Variants in BNC2 observed in about 807,000 individuals in gnomAD.
BNC2 encodes the protein basonuclin zinc finger protein 2.
A neutral mutation model predicts 76.3 loss-of-function variants in BNC2; 20 were observed. That is an observed-to-expected ratio of 0.26 (90% confidence interval 0.18 to 0.38). The LOEUF (loss-of-function observed/expected upper bound fraction) is 0.38, where lower values mean the gene tolerates loss of function less well. BNC2 is among the 10% of genes least tolerant of loss of function. BNC2 has a pLI of 1.00. For missense variants in BNC2, 1,382 were observed against 1,399.8 expected (o/e 0.99, Z 0.20); for synonymous variants, 582 against 514.8 (o/e 1.13, Z -1.77).
intron 5 of BNC2, among the ~76,000 whole-genome samples, chr9:16,438,048 T>C (rs1179818523): frequency 6.6e-6 from 1 of 152,200 alleles, no homozygotes; most frequent in Non-Finnish European, 1.5e-5. Context: ...TTATGTGAAT[T>C]TCTGAATCAA....
intron 5 of BNC2, among the ~76,000 whole-genome samples, chr9:16,513,302 T>C (rs1354367589): frequency 2.1e-5 from 2 of 93,292 alleles, no homozygotes; most frequent in African/African-American, 1.6e-4. Flanking sequence ...AAAGGTTCTT[T>C]TTTTTTTTTT....
chr9:16,805,532 T>A (rs1355392571), intron 1 of BNC2, among the ~76,000 whole-genome samples: 1 of 152,108 alleles, frequency 6.6e-6, no homozygotes, highest in Non-Finnish European at 1.5e-5. Flanking sequence ...TTCATCATAT[T>A]GGTCAGGCTG....
chr9:16,858,086 G>T (rs10756819), intron 1 of BNC2, among the ~76,000 whole-genome samples: 2 of 151,990 alleles, frequency 1.3e-5, no homozygotes, highest in Admixed American at 6.6e-5. Flanking sequence ...TGGGTTTGGA[G>T]ATCATACAAT....
intron 1 of BNC2, among the ~76,000 whole-genome samples, chr9:16,810,210 C>T (rs1427833889): frequency 6.6e-6 from 1 of 152,106 alleles, no homozygotes; most frequent in Admixed American, 6.6e-5. Context: ...CTACTAGGGC[C>T]CACTGTTATG....
chr9:16,481,057 T>C (rs1587078571), intron 5 of BNC2, among the ~76,000 whole-genome samples: 1 of 152,140 alleles, frequency 6.6e-6, no homozygotes, highest in Non-Finnish European at 1.5e-5. Context: ...AGCTCAAGGT[T>C]TGTAAACGCA....
intron 5 of BNC2, among the ~76,000 whole-genome samples, chr9:16,522,060 G>A (rs1474490802): frequency 6.6e-6 from 1 of 152,140 alleles, no homozygotes; most frequent in African/African-American, 2.4e-5. Context: ...GAGCTGAGAT[G>A]ATTTTGGTGC....
At chr9:16,431,917 T>G (rs1287434311) in intron 6 of BNC2, among the ~76,000 whole-genome samples, 1 of 152,164 alleles carries the variant, frequency 6.6e-6, no homozygotes, top group Non-Finnish European at 1.5e-5. Context: ...CAGGCAGTAA[T>G]GCTCACCCAC....
chr9:16,446,841 A>C (rs1469005402), intron 5 of BNC2, among the ~76,000 whole-genome samples: 1 of 152,070 alleles, frequency 6.6e-6, no homozygotes, highest in Non-Finnish European at 1.5e-5. Context: ...GCTAAGCTCT[A>C]TTACAGGCCT....
At chr9:16,747,753 G>C (rs1203841112) in intron 1 of BNC2, among the ~76,000 whole-genome samples, 1 of 152,144 alleles carries the variant, frequency 6.6e-6, no homozygotes. Flanking sequence ...TATCTTTCTT[G>C]ATAATTAAAC....
intron 5 of BNC2, among the ~76,000 whole-genome samples, chr9:16,489,901 C>T (rs2131615125): frequency 6.6e-6 from 1 of 152,332 alleles, no homozygotes; most frequent in Non-Finnish European, 1.5e-5. Context: ...CCTCGTGTAT[C>T]TGCCACTGAT....
At chr9:16,842,771 G>A (rs1586927537) in intron 1 of BNC2, among the ~76,000 whole-genome samples, 1 of 151,294 alleles carries the variant, frequency 6.6e-6, no homozygotes, top group South Asian at 2.1e-4. Flanking sequence ...GTTTTACTTT[G>A]TTTTTTGGAG....
At chr9:16,706,724 C>G (rs780891028) in intron 3 of BNC2, among the ~76,000 whole-genome samples, 6 of 152,086 alleles carry the variant, frequency 3.9e-5, no homozygotes, top group Non-Finnish European at 8.8e-5. Flanking sequence ...ATCCCTTCAC[C>G]TTAGCCAAGC....
At chr9:16,677,589 A>G (rs1005594535) in intron 3 of BNC2, among the ~76,000 whole-genome samples, 1 of 151,438 alleles carries the variant, frequency 6.6e-6, no homozygotes, top group Admixed American at 6.6e-5. Flanking sequence ...ACACACACAC[A>G]CACACACACA....
At chr9:16,771,064 G>A (rs541206900) in intron 1 of BNC2, among the ~76,000 whole-genome samples, 87 of 152,222 alleles carry the variant, frequency 5.7e-4, no homozygotes, top group African/African-American at 2.1e-3. Context: ...AGCTACTCAG[G>A]AGGCTAAGGC....
At chr9:16,678,682 T>C (rs1260063732) in intron 3 of BNC2, among the ~76,000 whole-genome samples, 1 of 152,076 alleles carries the variant, frequency 6.6e-6, no homozygotes, top group African/African-American at 2.4e-5. Context: ...ATGATTGTTT[T>C]TACATAAAAG....
chr9:16,691,116 C>A (rs1823146841), intron 3 of BNC2, among the ~76,000 whole-genome samples: 1 of 152,186 alleles, frequency 6.6e-6, no homozygotes, highest in Non-Finnish European at 1.5e-5. Flanking sequence ...TCCCTGGTGA[C>A]ACCCTGAGGA....
At position 16,494,025 on chromosome 9, in the gene BNC2, G is replaced by A. The variant is rs190014175; in HGVS notation, c.670-56501C>T. Among the ~76,000 whole-genome samples, 323 of 152,272 alleles carry A rather than the reference G, an allele frequency of 2.1e-3. 2 individuals carry two copies. The highest frequency in any genetic ancestry group is 7.5e-3 in the African/African-American group (312 of 41,540). On this transcript the variant is annotated intron_variant, in intron 5 of 6. Transcript: ENST00000380672. Reference sequence around the variant, plus strand: ...GTCTTGACCATATGCTGCATGTTTGGTTTTGTCCTAGGCACTGGAGATACA... The same window carrying A: ...GTCTTGACCATATGCTGCATGTTTGATTTTGTCCTAGGCACTGGAGATACA...
At chr9:16,560,523 A>G (rs1393650483) in intron 4 of BNC2, among the ~76,000 whole-genome samples, 2 of 150,490 alleles carry the variant, frequency 1.3e-5, no homozygotes, top group Admixed American at 6.6e-5. Context: ...ATCTGCCTGG[A>G]CAACACAGTG....
chr9:16,767,775 T>C (rs944223470), intron 1 of BNC2, among the ~76,000 whole-genome samples: 1 of 152,140 alleles, frequency 6.6e-6, no homozygotes, highest in African/African-American at 2.4e-5. Context: ...TCAACAATTA[T>C]CAGCACATGG....
Sources: allele counts gnomAD v4.1 joint callset (sites outside exome capture counted in the v4.1 genomes callset), GRCh38; gene constraint gnomAD v4.1.1; transcripts MANE v1.5; gene names NCBI Gene and HGNC (gene_info 2026-07-23, HGNC 2026-07-21).